The following GSAP variants were observed in gnomAD, a reference collection of about 807,000 sequenced individuals.
The protein encoded by GSAP is gamma-secretase activating protein, also known as gamma-secretase-activating protein.
A neutral mutation model predicts 131.7 loss-of-function variants in GSAP; 118 were observed. That is an observed-to-expected ratio of 0.90 (90% CI 0.77 to 1.04). The LOEUF is 1.04. Ranked by LOEUF, GSAP falls within the 50% of genes least tolerant of loss-of-function variation. The pLI is 0.00. For synonymous variants in GSAP, 381 were observed against 363.4 expected (o/e 1.05, Z -0.55); for missense variants, 1,019 against 1,013.2 (o/e 1.01, Z -0.08).
At chr7:77,349,030 A>G (rs1034509580) in intron 19 of GSAP, among the ~76,000 whole-genome samples, 1 of 152,232 alleles carries the variant, frequency 6.6e-6, no homozygotes, top group East Asian at 1.9e-4. Context: ...GCCTCTCTAA[A>G]GATCATCTAC....
At chr7:77,364,637 C>T (rs925939666) in intron 12 of GSAP, among the ~76,000 whole-genome samples, 22 of 151,974 alleles carry the variant, frequency 1.4e-4, no homozygotes, top group African/African-American at 4.6e-4. Context: ...CTAACCTGCA[C>T]ATTGTGCACA....
intron 12 of GSAP, among the ~76,000 whole-genome samples, chr7:77,369,705 A>C (rs1193912952): frequency 6.6e-6 from 1 of 152,206 alleles, no homozygotes; most frequent in Non-Finnish European, 1.5e-5. Context: ...CTATAGAGGG[A>C]GTCACATTTA....
At chr7:77,311,817 C>G in intron 30 of GSAP, 24 bp downstream of exon 30, 1 of 1,105,104 alleles carries the variant, frequency 9.0e-7, no homozygotes, top group South Asian at 1.2e-5. Context: ...GTGGTAAGAC[C>G]CTGAGAACAG....
At chr7:77,337,129 A>G (rs1343407814) in intron 19 of GSAP, among the ~76,000 whole-genome samples, 2 of 152,202 alleles carry the variant, frequency 1.3e-5, no homozygotes, top group Non-Finnish European at 2.9e-5. Context: ...GCAATTAATT[A>G]CATTCATGCT....
In GSAP at chr7:77,313,490, G is replaced by A. The variant is rs781616360; in HGVS notation, c.2269C>T (p.Pro757Ser). ...AATAAAATGTAACTCAGTATTACCG[G>A]AGGAAGCCGCACAATGATACTGAAT... ...LKFSIIVRLP[P>S]LIGQKICRLW... Residue 757 changes from proline to serine, a missense_variant and splice_region_variant, in exon 28 of 31, where the codon CCG (proline) becomes TCG (serine). By Grantham distance (74) the Pro-to-Ser change is moderately conservative (BLOSUM62 -1). Coordinates refer to ENST00000257626, the MANE Select transcript of GSAP (RefSeq NM_017439.4). The A allele has an allele frequency of 5.9e-6, 9 of 1,526,940 alleles. No individual in the cohort carries two copies. The highest frequency in any genetic ancestry group is 8.2e-6 in the Non-Finnish European group (9 of 1,102,438). 94.6% of individuals were successfully genotyped at this position (1,526,940 alleles called of 1,614,324 possible). A position where few individuals can be genotyped will look rare whatever the true frequency, so the allele number is the denominator to read the frequency against.
rs1385318453 is a variant in GSAP, at chr7:77,349,349, A to G, written c.1545+2T>C. On this transcript the variant is annotated splice_donor_variant, in intron 19 of 30. Transcript: ENST00000257626. LOFTEE classifies it high-confidence loss of function. ...TTTTGTTTCTTGCTGTAAGGGACCT[A>G]CCTTCATAAGAGGCAATGCAATGTC... 13 of 1,606,538 alleles carry G rather than the reference A, an allele frequency of 8.1e-6. No homozygotes were observed. The highest frequency in any genetic ancestry group is 1.1e-5 in the Non-Finnish European group (13 of 1,173,396).
chr7:77,350,824 A>G (rs1231981252), intron 18 of GSAP, among the ~76,000 whole-genome samples: 1 of 152,242 alleles, frequency 6.6e-6, no homozygotes, highest in Non-Finnish European at 1.5e-5. Flanking sequence ...AGGGCAAATG[A>G]TAGCATTCTG....
intron 19 of GSAP, among the ~76,000 whole-genome samples, chr7:77,343,956 C>A (rs1156669367): frequency 6.6e-6 from 1 of 152,142 alleles, no homozygotes; most frequent in Non-Finnish European, 1.5e-5. Flanking sequence ...TTTAGGCCCC[C>A]TCCCTTCCCT....
rs17152629 is a variant in GSAP, at chr7:77,381,344, T to C, written c.537A>G (p.Gln179=). 8,061 of 1,528,254 alleles carry C rather than the reference T, an allele frequency of 5.3e-3. 347 individuals carry two copies. In the African/African-American group the frequency reaches 0.095, roughly 18 times the overall value. 94.7% of individuals were successfully genotyped at this position (1,528,254 alleles called of 1,614,324 possible). A position where few individuals can be genotyped will look rare whatever the true frequency, so the allele number is the denominator to read the frequency against. Residue 179 remains glutamine (Q), a synonymous_variant, in exon 8 of 31, where the codon CAA becomes CAG. Transcript: ENST00000257626. ...CTTCTTGGGCGACATGGATACGAAA[T>C]TGTTCAATATCTTTAAAAGAAAAAC... ...LLISEEKYIE[Q]FRIHVAQEDG... is the part of the protein sequence containing the mutation.
intron 19 of GSAP, among the ~76,000 whole-genome samples, chr7:77,334,579 TTAAAAAAAAAA>T (rs1429167725): frequency 3.6e-5 from 3 of 82,386 alleles, no homozygotes; most frequent in Admixed American, 1.5e-4. Flanking sequence ...AACTTAAAAT[TTAAAAAAAAAA>T]AAAAAAAAAA....
At chr7:77,328,315 G>A in intron 22 of GSAP, 18 of 1,164,528 alleles carry the variant, frequency 1.5e-5, no homozygotes, top group Non-Finnish European at 1.9e-5. Flanking sequence ...GCATCCTGTG[G>A]GCACAGCCAG....
chr7:77,379,318 T>C (rs529213516), intron 8 of GSAP, among the ~76,000 whole-genome samples: 2 of 151,500 alleles, frequency 1.3e-5, no homozygotes, highest in South Asian at 4.2e-4. Flanking sequence ...CCTAATACCA[T>C]CTCTATCATG....
intron 12 of GSAP, among the ~76,000 whole-genome samples, chr7:77,364,662 TAA>T (rs899632453): frequency 6.6e-5 from 10 of 152,008 alleles, no homozygotes; most frequent in African/African-American, 1.9e-4. Flanking sequence ...CCCTAAAACT[TAA>T]AGTGTAATAA....
chr7:77,362,696 A>G (rs10487622), intron 12 of GSAP, 36 bp from the exon 13 acceptor site: 75,417 of 1,172,280 alleles, frequency 0.064, 2,913 homozygotes, highest in Middle Eastern at 0.1. Context: ...AGTTTAACAG[A>G]ATCTATGTCA....
chr7:77,380,314 T>C (rs1231999814), intron 8 of GSAP, among the ~76,000 whole-genome samples: 1 of 152,194 alleles, frequency 6.6e-6, no homozygotes, highest in Non-Finnish European at 1.5e-5. Context: ...AACTGTCAAT[T>C]GTTAGAAGTT....
chr7:77,328,950 G>A (rs1220166456), intron 21 of GSAP, among the ~76,000 whole-genome samples: 1 of 151,718 alleles, frequency 6.6e-6, no homozygotes, highest in Non-Finnish European at 1.5e-5. Context: ...ACTCTGAGAT[G>A]ACTCATATAT....
chr7:77,323,382 C>T, intron 24 of GSAP, among the ~76,000 whole-genome samples: 1 of 152,202 alleles, frequency 6.6e-6, no homozygotes, highest in Non-Finnish European at 1.5e-5. Flanking sequence ...GGCAAGCATA[C>T]TAAATTCATT....
intron 3 of GSAP, among the ~76,000 whole-genome samples, chr7:77,402,593 C>CAAAA (rs56739649): frequency 0.015 from 365 of 24,772 alleles, 41 homozygotes; most frequent in Non-Finnish European, 0.026. Context: ...GACTCTGTCT[C>CAAAA]AAAAAAAAAA....
intron 26 of GSAP, among the ~76,000 whole-genome samples, chr7:77,318,412 A>G (rs1479677748): frequency 6.6e-6 from 1 of 152,240 alleles, no homozygotes; most frequent in Non-Finnish European, 1.5e-5. Flanking sequence ...AATGAGTATC[A>G]TATATATGTT....
Sources: allele counts gnomAD v4.1 joint callset (sites outside exome capture counted in the v4.1 genomes callset), GRCh38; gene constraint gnomAD v4.1.1; transcripts MANE v1.5; gene names NCBI Gene and HGNC (gene_info 2026-07-23, HGNC 2026-07-21).